MSRA: variants seen among roughly 807,000 people sequenced by gnomAD.
The protein encoded by MSRA is methionine sulfoxide reductase A.
MSRA carries 54 observed loss-of-function variants against 31.3 expected under a neutral mutation model. That is an observed-to-expected ratio of 1.73 (90% CI 1.39 to 2.17). The LOEUF (loss-of-function observed/expected upper bound fraction) is 2.17, where lower values mean the gene tolerates loss of function less well. Among genes scored for constraint, MSRA ranks in the 30% most tolerant of loss-of-function variants. The pLI is 0.00. For synonymous variants in MSRA, 169 were observed against 116.5 expected (o/e 1.45, Z -2.90); for missense variants, 507 against 300.9 (o/e 1.69, Z -5.07).
At chr8:10,270,671 G>T (rs977727499) in intron 3 of MSRA, among the ~76,000 whole-genome samples, 5 of 152,210 alleles carry the variant, frequency 3.3e-5, no homozygotes, top group Non-Finnish European at 7.3e-5. Context: ...TGTTATCCAG[G>T]TGGATGTACC....
At chr8:10,113,289 C>CTTTTTTTTTTTTGTTTTTTTTTTTTTT (rs1467440154) in intron 1 of MSRA, among the ~76,000 whole-genome samples, 1 of 50,898 alleles carries the variant, frequency 2.0e-5, no homozygotes, top group Non-Finnish European at 3.2e-5. Flanking sequence ...GAAGACAGGT[C>CTTTTTTTTTTTTGTTTTTTTTTTTTTT]TTCTTTTTTT....
At chr8:10,061,531 A>G (rs1189680544) in intron 1 of MSRA, among the ~76,000 whole-genome samples, 1 of 152,138 alleles carries the variant, frequency 6.6e-6, no homozygotes, top group Non-Finnish European at 1.5e-5. Context: ...CGGAACTCGC[A>G]CAATCTGTCT....
At chr8:10,188,789 A>G (rs1807273086) in intron 1 of MSRA, among the ~76,000 whole-genome samples, 1 of 152,238 alleles carries the variant, frequency 6.6e-6, no homozygotes, top group African/African-American at 2.4e-5. Context: ...ACCTTACAGT[A>G]AGTCCTGAAA....
chr8:10,386,275 C>G (rs34381075), intron 5 of MSRA, among the ~76,000 whole-genome samples: 45,249 of 152,062 alleles, frequency 0.3, 7,505 homozygotes, highest in Non-Finnish European at 0.38. Flanking sequence ...GAATCTAGGT[C>G]TGATTCCAGA....
chr8:10,274,639 C>T (rs1363673004), intron 3 of MSRA, among the ~76,000 whole-genome samples: 2 of 152,130 alleles, frequency 1.3e-5, no homozygotes, highest in Non-Finnish European at 2.9e-5. Flanking sequence ...TTTATGTATC[C>T]ATGTGTTATC....
chr8:10,348,515 G>T (rs539300675), intron 5 of MSRA, among the ~76,000 whole-genome samples: 1 of 151,768 alleles, frequency 6.6e-6, no homozygotes. Flanking sequence ...GACTACAAGC[G>T]TGCGCCACCA....
At chr8:10,133,066 C>G (rs780725968) in intron 1 of MSRA, among the ~76,000 whole-genome samples, 5 of 152,164 alleles carry the variant, frequency 3.3e-5, no homozygotes, top group Non-Finnish European at 7.4e-5. Flanking sequence ...CCATCCAACT[C>G]TTAGGGAAGG....
At chr8:10,143,990 G>A (rs1465135872) in intron 1 of MSRA, among the ~76,000 whole-genome samples, 1 of 152,126 alleles carries the variant, frequency 6.6e-6, no homozygotes, top group Admixed American at 6.5e-5. Context: ...GTTCTGTGGT[G>A]AATCACAGAG....
intron 3 of MSRA, among the ~76,000 whole-genome samples, chr8:10,259,620 T>G (rs1798364353): frequency 6.6e-6 from 1 of 152,016 alleles, no homozygotes; most frequent in African/African-American, 2.4e-5. Context: ...TTTCTGGACA[T>G]TTGGGAAAGC....
At chr8:10,147,761 A>G (rs1398888701) in intron 1 of MSRA, among the ~76,000 whole-genome samples, 1 of 152,164 alleles carries the variant, frequency 6.6e-6, no homozygotes, top group African/African-American at 2.4e-5. Context: ...GGATTCCTGC[A>G]TTCTCCTAGC....
At chr8:10,077,579 T>A (rs1798058147) in intron 1 of MSRA, among the ~76,000 whole-genome samples, 1 of 149,590 alleles carries the variant, frequency 6.7e-6, no homozygotes, top group South Asian at 2.2e-4. Flanking sequence ...CTCCTGAGTC[T>A]CTCTGAGTGT....
At chr8:10,151,083 A>G (rs1250463648) in intron 1 of MSRA, among the ~76,000 whole-genome samples, 1 of 151,624 alleles carries the variant, frequency 6.6e-6, no homozygotes, top group Non-Finnish European at 1.5e-5. Flanking sequence ...TGGGATCCGT[A>G]AAGGAGGAGG....
At chr8:10,096,310 A>G (rs554160378) in intron 1 of MSRA, 5 of 1,102,246 alleles carry the variant, frequency 4.5e-6, no homozygotes, top group East Asian at 5.1e-5. Flanking sequence ...TGAAGGGCAA[A>G]CAAGAAATGT....
intron 1 of MSRA, among the ~76,000 whole-genome samples, chr8:10,144,651 C>G (rs1285204655): frequency 2.0e-5 from 3 of 151,736 alleles, no homozygotes; most frequent in Non-Finnish European, 4.4e-5. Flanking sequence ...TGCAATGTGC[C>G]CAACCCCCAA....
At chr8:10,396,586 A>G (rs1807111379) in intron 5 of MSRA, among the ~76,000 whole-genome samples, 1 of 152,212 alleles carries the variant, frequency 6.6e-6, no homozygotes, top group Non-Finnish European at 1.5e-5. Flanking sequence ...CTTAAAATGT[A>G]AGGACTTCTA....
chr8:10,197,628 G>A (rs888339902), intron 1 of MSRA, among the ~76,000 whole-genome samples: 3 of 152,166 alleles, frequency 2.0e-5, no homozygotes, highest in African/African-American at 7.2e-5. Flanking sequence ...CTGAAATGCA[G>A]ATCCCCAGGC....
chr8:10,295,358 A>G (rs2129120728), intron 3 of MSRA, among the ~76,000 whole-genome samples: 1 of 152,088 alleles, frequency 6.6e-6, no homozygotes, highest in East Asian at 2.0e-4. Flanking sequence ...GTCCCCACGA[A>G]GCCTCTCCGG....
intron 2 of MSRA, among the ~76,000 whole-genome samples, chr8:10,228,570 A>T (rs938596557): frequency 1.3e-5 from 2 of 152,210 alleles, no homozygotes; most frequent in African/African-American, 4.8e-5. Context: ...CTGTTAATTC[A>T]GCTTGCTTGC....
intron 5 of MSRA, among the ~76,000 whole-genome samples, chr8:10,341,936 C>T (rs1393411728): frequency 6.6e-6 from 1 of 152,166 alleles, no homozygotes; most frequent in Non-Finnish European, 1.5e-5. Context: ...TCCATCAGTG[C>T]ATTTCCTCCT....
Sources: allele counts gnomAD v4.1 joint callset (sites outside exome capture counted in the v4.1 genomes callset), GRCh38; gene constraint gnomAD v4.1.1; transcripts MANE v1.5; gene names NCBI Gene and HGNC (gene_info 2026-07-23, HGNC 2026-07-21).